Variants in ATP6V0A4 observed in about 807,000 individuals in gnomAD.
ATP6V0A4 encodes ATPase H+ transporting V0 subunit a4.
ATP6V0A4 carries 86 observed loss-of-function variants against 107.3 expected under a neutral mutation model. The ratio of observed to expected loss-of-function variants is 0.80; its 90% CI spans 0.67 to 0.96. ATP6V0A4 has a LOEUF of 0.96. Ranked by LOEUF, ATP6V0A4 falls within the 40% of genes least tolerant of loss-of-function variation. ATP6V0A4 has a pLI of 0.00. For synonymous variants in ATP6V0A4, 353 were observed against 381.4 expected (o/e 0.93, Z 0.87); for missense variants, 908 against 1,045.6 (o/e 0.87, Z 1.81).
intron 11 of ATP6V0A4, among the ~76,000 whole-genome samples, chr7:138,752,048 G>C (rs982725621): frequency 1.3e-5 from 2 of 152,084 alleles, no homozygotes; most frequent in Non-Finnish European, 2.9e-5. Context: ...CCCCCAAAAC[G>C]ATAGTCTAGC....
At chr7:138,707,957 C>T (rs2117173333) in intron 21 of ATP6V0A4, among the ~76,000 whole-genome samples, 1 of 152,002 alleles carries the variant, frequency 6.6e-6, no homozygotes, top group Admixed American at 6.6e-5. Context: ...ACGCAAAGAC[C>T]CTTGACCTGT....
At chr7:138,791,131 T>C (rs1264915213) in intron 1 of ATP6V0A4, among the ~76,000 whole-genome samples, 1 of 151,588 alleles carries the variant, frequency 6.6e-6, no homozygotes, top group Non-Finnish European at 1.5e-5. Flanking sequence ...CAGGACTGAA[T>C]AGTTTGGCAG....
intron 2 of ATP6V0A4, among the ~76,000 whole-genome samples, chr7:138,780,931 A>G (rs1366450551): frequency 1.3e-5 from 2 of 152,052 alleles, no homozygotes; most frequent in Non-Finnish European, 2.9e-5. Flanking sequence ...AAAAAAATTA[A>G]AAAAAAGAAA....
intron 19 of ATP6V0A4, among the ~76,000 whole-genome samples, chr7:138,718,291 T>A (rs934359503): frequency 1.7e-4 from 2 of 12,094 alleles, no homozygotes. Context: ...TGTGTGTGTG[T>A]GTGTGTGTGT....
intron 13 of ATP6V0A4, among the ~76,000 whole-genome samples, chr7:138,746,019 A>ATATATATTATAAATATAAAT (rs1361748354): frequency 7.1e-6 from 1 of 141,312 alleles, no homozygotes; most frequent in South Asian, 2.1e-4. Context: ...TATATTTATA[A>ATATATATTATAAATATAAAT]CATAATATAT....
intron 5 of ATP6V0A4, among the ~76,000 whole-genome samples, chr7:138,765,214 C>T (rs568054612): frequency 6.6e-5 from 10 of 152,218 alleles, no homozygotes; most frequent in East Asian, 3.9e-4. Flanking sequence ...ACACAAGCAG[C>T]GTGAATCCTA....
chr7:138,741,965 T>G (rs1805654160), intron 14 of ATP6V0A4, among the ~76,000 whole-genome samples: 1 of 152,142 alleles, frequency 6.6e-6, no homozygotes, highest in Non-Finnish European at 1.5e-5. Flanking sequence ...CCAAAGAGTC[T>G]TGAATTGGGG....
intron 19 of ATP6V0A4, among the ~76,000 whole-genome samples, chr7:138,717,048 C>T (rs1403302598): frequency 1.3e-5 from 2 of 152,190 alleles, no homozygotes; most frequent in Non-Finnish European, 2.9e-5. Context: ...GGCTCTGAGG[C>T]TCCTAAGCCC....
intron 13 of ATP6V0A4, among the ~76,000 whole-genome samples, chr7:138,745,962 A>AATAT (rs1554396064): frequency 0.01 from 668 of 65,578 alleles, 15 homozygotes; most frequent in East Asian, 0.043. Context: ...AAAAAAAAAA[A>AATAT]ATATATATAT....
At chr7:138,719,730 C>T (rs548849171) in intron 19 of ATP6V0A4, among the ~76,000 whole-genome samples, 1 of 152,272 alleles carries the variant, frequency 6.6e-6, no homozygotes, top group African/African-American at 2.4e-5. Flanking sequence ...GCTACAAAAG[C>T]TGTAAGTGGA....
At chr7:138,794,384 A>C (rs1223439908) in intron 1 of ATP6V0A4, among the ~76,000 whole-genome samples, 1 of 152,184 alleles carries the variant, frequency 6.6e-6, no homozygotes, top group African/African-American at 2.4e-5. Flanking sequence ...TCACAAGAGA[A>C]GCTTCATTAA....
intron 13 of ATP6V0A4, among the ~76,000 whole-genome samples, chr7:138,745,978 T>TATATATAA (rs1367872235): frequency 8.2e-4 from 101 of 122,680 alleles, no homozygotes; most frequent in African/African-American, 3.2e-3. Context: ...TATATATATA[T>TATATATAA]AAAATATATA....
chr7:138,714,483 A>T (rs1282582434), intron 20 of ATP6V0A4, among the ~76,000 whole-genome samples: 1 of 152,046 alleles, frequency 6.6e-6, no homozygotes, highest in Non-Finnish European at 1.5e-5. Context: ...AGGCAAGAGG[A>T]TCCCTTGAGG....
Position 138,746,210 on chromosome 7 carries a change from A to T in ATP6V0A4, c.1321-930T>A, listed in dbSNP as rs536452897. ...TGAACTGGCCTCCCATGGCTGCTAT[A>T]TTTATGACAAGTCAGATATATACTC... On this transcript the variant is annotated intron_variant, in intron 13 of 21. Transcript: ENST00000310018. Among the ~76,000 whole-genome samples the T allele has an allele frequency of 1.8e-3, 266 of 151,122 alleles. 2 individuals are homozygous for T. The highest frequency in any genetic ancestry group is 6.2e-3 in the African/African-American group (256 of 41,174).
chr7:138,765,622 C>A (rs1485373930), intron 5 of ATP6V0A4, among the ~76,000 whole-genome samples: 20 of 152,130 alleles, frequency 1.3e-4, no homozygotes, highest in Non-Finnish European at 1.5e-5. Flanking sequence ...AACTCTCTAG[C>A]AATGTTGGGG....
intron 18 of ATP6V0A4, among the ~76,000 whole-genome samples, chr7:138,728,264 C>A (rs976819499): frequency 6.6e-6 from 1 of 152,022 alleles, no homozygotes; most frequent in Non-Finnish European, 1.5e-5. Context: ...TTCGCCCTTT[C>A]GCCCAGGCTA....
chr7:138,755,520 C>T (rs1466261479), intron 10 of ATP6V0A4, among the ~76,000 whole-genome samples, 169 bp downstream of exon 10: 9 of 152,154 alleles, frequency 5.9e-5, no homozygotes, highest in African/African-American at 2.2e-4. Context: ...TCTAGCTTAT[C>T]GAACAGTTTC....
intron 2 of ATP6V0A4, among the ~76,000 whole-genome samples, chr7:138,784,220 A>ATATATATATATATACG (rs1432787547): frequency 1.1e-5 from 1 of 89,054 alleles, no homozygotes; most frequent in Admixed American, 1.3e-4. Flanking sequence ...AACATTATAT[A>ATATATATATATATACG]TATATATATA....
intron 18 of ATP6V0A4, among the ~76,000 whole-genome samples, chr7:138,726,786 C>G (rs914425536): frequency 6.6e-6 from 1 of 152,156 alleles, no homozygotes; most frequent in Non-Finnish European, 1.5e-5. Flanking sequence ...TCCACGCCGT[C>G]TTCAGGAGCT....
Sources: allele counts gnomAD v4.1 joint callset (sites outside exome capture counted in the v4.1 genomes callset), GRCh38; gene constraint gnomAD v4.1.1; transcripts MANE v1.5; gene names NCBI Gene and HGNC (gene_info 2026-07-23, HGNC 2026-07-21).